The following PGM5 variants were observed in gnomAD, a reference collection of about 807,000 sequenced individuals.
PGM5 encodes the protein phosphoglucomutase-like protein 5.
Under a neutral mutation model 59.2 loss-of-function variants are expected in PGM5, and 23 were observed. The ratio of observed to expected loss-of-function variants is 0.39; its 90% CI spans 0.28 to 0.55. PGM5 has a LOEUF of 0.55. PGM5 is among the 20% of genes least tolerant of loss of function. The probability of loss-of-function intolerance (pLI) is 0.66; values close to 1 mark genes in which losing one functional copy is unlikely to be tolerated. For missense variants in PGM5, 574 were observed against 748.3 expected (o/e 0.77, Z 2.72); for synonymous variants, 214 against 286.0 (o/e 0.75, Z 2.54).
intron 6 of PGM5, among the ~76,000 whole-genome samples, chr9:68,436,020 CCTGAAGGAGTTA>C (rs1268678106): frequency 6.6e-6 from 1 of 152,172 alleles, no homozygotes. Flanking sequence ...TTAGATATGG[CCTGAAGGAGTTA>C]CTGTGCCAGA....
chr9:68,510,121 A>G (rs1011503670), intron 10 of PGM5, among the ~76,000 whole-genome samples: 5 of 151,404 alleles, frequency 3.3e-5, no homozygotes, highest in South Asian at 2.1e-4. Context: ...GGCCTCTGAT[A>G]CAAAGGTTGG....
At chr9:68,451,937 A>C (rs1489822367) in intron 6 of PGM5, among the ~76,000 whole-genome samples, 1 of 152,358 alleles carries the variant, frequency 6.6e-6, no homozygotes, top group East Asian at 1.9e-4. Flanking sequence ...AGATGGCATT[A>C]AAGTGTTCTG....
chr9:68,449,095 C>T (rs1823656754), intron 6 of PGM5, among the ~76,000 whole-genome samples: 1 of 152,228 alleles, frequency 6.6e-6, no homozygotes, highest in African/African-American at 2.4e-5. Context: ...GCTGTATCCT[C>T]ATGTGGCAGA....
Position 68,461,177 on chromosome 9 carries a change from C to T in PGM5, c.1044-3916C>T, listed in dbSNP as rs115160915. Among the ~76,000 whole-genome samples, 815 of 152,220 alleles carry T rather than the reference C, an allele frequency of 5.4e-3. 8 individuals are homozygous for T. The highest frequency in any genetic ancestry group is 0.019 in the African/African-American group (771 of 41,558). ...TTCAGAGATCCAGGTCCTCCCCTCT[C>T]GTGGGTCAGCCGCCTTCAACACATG... On this transcript the variant is annotated intron_variant, in intron 6 of 10. Transcript: ENST00000396396.
intron 10 of PGM5, among the ~76,000 whole-genome samples, chr9:68,521,354 G>A (rs1824897021): frequency 6.6e-6 from 1 of 152,220 alleles, no homozygotes; most frequent in Non-Finnish European, 1.5e-5. Flanking sequence ...ATGGCAGTGA[G>A]GACTGAGAAC....
chr9:68,512,196 G>A (rs1270109189), intron 10 of PGM5, among the ~76,000 whole-genome samples: 3 of 152,226 alleles, frequency 2.0e-5, no homozygotes, highest in African/African-American at 7.2e-5. Flanking sequence ...ACTGGAGTGG[G>A]TGTGTGATGA....
intron 1 of PGM5, among the ~76,000 whole-genome samples, chr9:68,363,009 C>T (rs2131973231): frequency 6.6e-6 from 1 of 151,544 alleles, no homozygotes; most frequent in South Asian, 2.1e-4. Flanking sequence ...GCTGGGGTTA[C>T]AGGCATGCAC....
chr9:68,382,101 C>G (rs142426911), intron 2 of PGM5, among the ~76,000 whole-genome samples: 2 of 151,680 alleles, frequency 1.3e-5, no homozygotes, highest in African/African-American at 4.8e-5. Flanking sequence ...AGGTACCACA[C>G]TTGCTGATTT....
intron 10 of PGM5, among the ~76,000 whole-genome samples, chr9:68,502,867 T>G (rs1824600880): frequency 6.6e-6 from 1 of 152,114 alleles, no homozygotes; most frequent in Admixed American, 6.5e-5. Flanking sequence ...TTTTGTATTT[T>G]TAGTAAGGAC....
intron 8 of PGM5, among the ~76,000 whole-genome samples, chr9:68,482,526 G>C (rs1301962160): frequency 1.3e-5 from 2 of 152,170 alleles, no homozygotes; most frequent in Admixed American, 6.5e-5. Flanking sequence ...CTAATATGCT[G>C]ATGTTTACTG....
At chr9:68,413,856 A>G (rs2506661) in intron 6 of PGM5, among the ~76,000 whole-genome samples, 1 of 152,198 alleles carries the variant, frequency 6.6e-6, no homozygotes, top group Non-Finnish European at 1.5e-5. Flanking sequence ...TGTAGGGTAG[A>G]TCAATCAATT....
At chr9:68,512,220 T>G (rs1375671460) in intron 10 of PGM5, among the ~76,000 whole-genome samples, 1 of 152,212 alleles carries the variant, frequency 6.6e-6, no homozygotes, top group African/African-American at 2.4e-5. Flanking sequence ...GCAGGTTCAT[T>G]GAAGAAAGGA....
intron 7 of PGM5, among the ~76,000 whole-genome samples, chr9:68,468,938 G>C (rs1823980367): frequency 6.6e-6 from 1 of 152,204 alleles, no homozygotes; most frequent in African/African-American, 2.4e-5. Context: ...TTGCTTTGGA[G>C]ATGGACTCTT....
chr9:68,524,296 A>C (rs1824938699), intron 10 of PGM5, among the ~76,000 whole-genome samples: 1 of 152,202 alleles, frequency 6.6e-6, no homozygotes. Context: ...CTTTAAATAG[A>C]GAGAGGATCC....
chr9:68,423,581 T>C (rs1823181693), intron 6 of PGM5, among the ~76,000 whole-genome samples: 1 of 152,152 alleles, frequency 6.6e-6, no homozygotes, highest in Admixed American at 6.5e-5. Flanking sequence ...AGGTTGTTTC[T>C]CTTCCCCTGG....
At position 68,500,938 on chromosome 9, in the gene PGM5, G is replaced by A. The variant is rs75577141; in HGVS notation, c.1614+1577G>A. Among the ~76,000 whole-genome samples the A allele has an allele frequency of 8.5e-3, 1,295 of 152,164 alleles. 7 individuals are homozygous for A. The highest frequency in any genetic ancestry group is 0.011 in the Non-Finnish European group (722 of 67,988). On this transcript the variant is annotated intron_variant, in intron 10 of 10. Transcript: ENST00000396396. ...TATACACACAAGAGTCTCTCCCTGA[G>A]GCAGTCCACAAAAGCAGTGCTTTTT...
intron 6 of PGM5, among the ~76,000 whole-genome samples, chr9:68,426,622 T>C (rs1298502464): frequency 6.6e-6 from 1 of 152,012 alleles, no homozygotes; most frequent in Non-Finnish European, 1.5e-5. Context: ...TATTTTTTTT[T>C]TTTTTTGGCC....
intron 6 of PGM5, among the ~76,000 whole-genome samples, chr9:68,426,615 T>TA (rs202211002): frequency 3.0e-3 from 388 of 131,498 alleles, no homozygotes; most frequent in African/African-American, 9.3e-3. Flanking sequence ...TCTTTATTAT[T>TA]TTTTTTTTTT....
chr9:68,423,966 C>T (rs545561770), intron 6 of PGM5, among the ~76,000 whole-genome samples: 1 of 152,290 alleles, frequency 6.6e-6, no homozygotes, highest in African/African-American at 2.4e-5. Context: ...TCCAAACCCA[C>T]CCAATTCACT....
Sources: allele counts gnomAD v4.1 joint callset (sites outside exome capture counted in the v4.1 genomes callset), GRCh38; gene constraint gnomAD v4.1.1; transcripts MANE v1.5; gene names NCBI Gene and HGNC (gene_info 2026-07-23, HGNC 2026-07-21).